The following FLI1 variants were observed in gnomAD, a reference collection of about 807,000 sequenced individuals.
The protein encoded by FLI1 is Fli-1 proto-oncogene, ETS transcription factor.
In FLI1, 13 loss-of-function variants were observed where a neutral mutation model predicts 53.1. The ratio of observed to expected loss-of-function variants is 0.24; its 90% CI spans 0.16 to 0.39. FLI1 has a LOEUF of 0.39. Among genes scored for constraint, FLI1 ranks in the 10% least tolerant of loss-of-function variants. FLI1 has a pLI of 1.00. For missense variants in FLI1, 424 were observed against 600.5 expected (o/e 0.71, Z 3.07); for synonymous variants, 244 against 236.7 (o/e 1.03, Z -0.28).
chr11:128,717,401 C>T lies in FLI1; in HGVS notation c.18+23125C>T, dbSNP rs114601191. Among the ~76,000 whole-genome samples the T allele has an allele frequency of 7.5e-3, 1,140 of 152,258 alleles. 17 individuals carry two copies. Among genetic ancestry groups the T allele is most frequent in the African/African-American group, 0.026 (1,081 of 41,548 alleles). ...CTACCTGTAAGAAATTCCTTGAAAA[C>T]GAAATAGTATATGGCAAGATTTAAG... On this transcript the variant is annotated intron_variant, in intron 1 of 8. Transcript: ENST00000527786.
At chr11:128,741,673 C>A (rs958880285) in intron 1 of FLI1, among the ~76,000 whole-genome samples, 1 of 152,248 alleles carries the variant, frequency 6.6e-6, no homozygotes, top group Non-Finnish European at 1.5e-5. Flanking sequence ...TCCTGGCTGG[C>A]TCTCTGTGAC....
intron 5 of FLI1, among the ~76,000 whole-genome samples, chr11:128,786,428 C>T (rs994766892): frequency 1.3e-5 from 2 of 152,192 alleles, no homozygotes; most frequent in Admixed American, 6.5e-5. Context: ...GACAACTGTA[C>T]GTTCGTACAT....
At position 128,811,952 on chromosome 11, in the gene FLI1, C is replaced by T. The variant is rs147660004; in HGVS notation, c.*964C>T. The stretch of plus-strand genomic sequence containing the variant: ...AAAGCAGTTTTACTATCGAATCAAT[C>T]GCTGTTATTTTTTTTAATGTAATTT... On this transcript the variant is annotated 3_prime_UTR_variant, in exon 9 of 9. Coordinates refer to ENST00000527786, the MANE Select transcript of FLI1 (RefSeq NM_002017.5). The T allele has an allele frequency of 3.0e-5, 6 of 200,396 alleles. No homozygotes were observed. Among genetic ancestry groups the T allele is most frequent in the East Asian group, 2.3e-4 (3 of 13,032 alleles). 12.4% of individuals were successfully genotyped at this position (200,396 alleles called of 1,614,324 possible). A position where few individuals can be genotyped will look rare whatever the true frequency, so the allele number is the denominator to read the frequency against.
intron 5 of FLI1, among the ~76,000 whole-genome samples, chr11:128,790,283 AAG>A (rs1235939969): frequency 4.2e-5 from 6 of 141,956 alleles, no homozygotes; most frequent in African/African-American, 8.1e-5. Context: ...GAGAGAGATT[AAG>A]AGAGAGAGAG....
intron 5 of FLI1, among the ~76,000 whole-genome samples, chr11:128,793,762 T>G (rs907171707): frequency 6.6e-6 from 1 of 152,194 alleles, no homozygotes; most frequent in South Asian, 2.1e-4. Context: ...ATGGTGACAA[T>G]GAATGCATGA....
chr11:128,763,851 G>A (rs1166003857), intron 2 of FLI1, among the ~76,000 whole-genome samples: 1 of 152,154 alleles, frequency 6.6e-6, no homozygotes, highest in African/African-American at 2.4e-5. Context: ...CATAAGTGAT[G>A]CTTTTTCTTT....
chr11:128,781,148 A>G (rs1941902533), intron 4 of FLI1, among the ~76,000 whole-genome samples: 2 of 152,252 alleles, frequency 1.3e-5, no homozygotes, highest in East Asian at 1.9e-4. Flanking sequence ...AGAAAATTCA[A>G]CGCGTGACTC....
chr11:128,718,967 A>G (rs990169031), intron 1 of FLI1, among the ~76,000 whole-genome samples: 4 of 152,254 alleles, frequency 2.6e-5, no homozygotes, highest in Admixed American at 2.6e-4. Context: ...TATGTTCAAC[A>G]TAAACGAACT....
At chr11:128,693,977 A>G (rs1937891046), upstream of FLI1, 1 of 350,774 alleles carries the variant, frequency 2.9e-6, no homozygotes, top group East Asian at 4.1e-5. Flanking sequence ...AGAGAGAGAG[A>G]GAGAGAGAGA....
chr11:128,694,173 C>A lies in FLI1; in HGVS notation c.-86C>A, dbSNP rs145654087. The A allele has an allele frequency of 1.9e-5, 27 of 1,442,340 alleles. No homozygotes were observed. Among genetic ancestry groups the A allele is most frequent in the Admixed American group, 1.9e-4 (7 of 37,676 alleles). The allele number at this position is 1,442,340 out of a possible 1,614,324, so 89.3% of individuals were successfully genotyped here. A position where few individuals can be genotyped will look rare whatever the true frequency, so the allele number is the denominator to read the frequency against. On this transcript the variant is annotated 5_prime_UTR_variant, in exon 1 of 9. Coordinates refer to ENST00000527786, the MANE Select transcript of FLI1 (RefSeq NM_002017.5). ...GCCCAGGGCGCCAGGGAGGCCGCGC[C>A]GGGCTAATCCGAAGGGGCTGCGAGG... is the stretch of plus-strand genomic sequence containing the variant.
chr11:128,698,221 G>C (rs1322697955), intron 1 of FLI1, among the ~76,000 whole-genome samples: 1 of 152,214 alleles, frequency 6.6e-6, no homozygotes, highest in East Asian at 1.9e-4. Context: ...ACAGAGGCTT[G>C]ACTTCTGTCC....
At chr11:128,777,262 T>C (rs12283770) in intron 4 of FLI1, among the ~76,000 whole-genome samples, 63,804 of 151,354 alleles carry the variant, frequency 0.42, 13,455 homozygotes, top group South Asian at 0.48. Context: ...CCGGGGGAGG[T>C]GGGGAGGCAG....
At chr11:128,784,457 C>G (rs780685323) in intron 5 of FLI1, among the ~76,000 whole-genome samples, 2 of 152,192 alleles carry the variant, frequency 1.3e-5, no homozygotes, top group Non-Finnish European at 2.9e-5. Context: ...GGCAAACACA[C>G]GCTGCCAGGA....
At chr11:128,799,314 G>A (rs1383448953) in intron 5 of FLI1, among the ~76,000 whole-genome samples, 1 of 152,010 alleles carries the variant, frequency 6.6e-6, no homozygotes, top group Non-Finnish European at 1.5e-5. Flanking sequence ...CCTTTTCAAG[G>A]CCTTCCTCAA....
At chr11:128,725,307 C>G (rs1591756103) in intron 1 of FLI1, among the ~76,000 whole-genome samples, 1 of 152,232 alleles carries the variant, frequency 6.6e-6, no homozygotes, top group African/African-American at 2.4e-5. Flanking sequence ...GCTTCCTCCC[C>G]TTTCTCCTGC....
chr11:128,685,512 CT>C (rs1325595388), upstream of FLI1, among the ~76,000 whole-genome samples: 4 of 151,632 alleles, frequency 2.6e-5, no homozygotes, highest in Non-Finnish European at 4.4e-5. Context: ...CTTTTTTCTC[CT>C]TCTTTCCTCT....
chr11:128,726,867 G>A (rs1002344280), intron 1 of FLI1, among the ~76,000 whole-genome samples: 1 of 152,146 alleles, frequency 6.6e-6, no homozygotes, highest in Non-Finnish European at 1.5e-5. Flanking sequence ...ACGGAATGGG[G>A]TTAATGACAG....
intron 1 of FLI1, among the ~76,000 whole-genome samples, chr11:128,709,543 C>T (rs1158256875): frequency 1.3e-5 from 2 of 152,148 alleles, no homozygotes; most frequent in Non-Finnish European, 2.9e-5. Flanking sequence ...GGCCATTGTT[C>T]TACTTGTGAA....
At chr11:128,736,910 C>T (rs531280470) in intron 1 of FLI1, among the ~76,000 whole-genome samples, 1 of 152,318 alleles carries the variant, frequency 6.6e-6, no homozygotes, top group South Asian at 2.1e-4. Context: ...GAGCCTGACT[C>T]AGCATCCCAA....
Sources: gnomAD v4.1 joint callset for allele counts (sites outside exome capture counted in the v4.1 genomes callset) on GRCh38, gnomAD v4.1.1 for gene constraint, MANE v1.5 for transcripts, NCBI Gene and HGNC (gene_info 2026-07-23, HGNC 2026-07-21) for gene names.